Variants in ZNF558 observed in about 807,000 individuals in gnomAD.
ZNF558 encodes the protein zinc finger protein 558.
A neutral mutation model predicts 37.6 loss-of-function variants in ZNF558; 23 were observed. That is an observed-to-expected ratio of 0.61 (90% CI 0.44 to 0.87). The LOEUF (loss-of-function observed/expected upper bound fraction) is 0.87, where lower values mean the gene tolerates loss of function less well. Among genes scored for constraint, ZNF558 ranks in the 40% least tolerant of loss-of-function variants. The pLI is 0.00. For missense variants in ZNF558, 429 were observed against 483.7 expected (o/e 0.89, Z 1.06); for synonymous variants, 189 against 174.4 (o/e 1.08, Z -0.66).
At chr19:8,829,798 C>T (rs1262269007) in intron 2 of ZNF558, among the ~76,000 whole-genome samples, 1 of 152,148 alleles carries the variant, frequency 6.6e-6, no homozygotes, top group Non-Finnish European at 1.5e-5. Flanking sequence ...GTAAACATTC[C>T]TTCAAGAATG....
Position 8,811,662 on chromosome 19 carries a change from C to T in ZNF558, c.828G>A (p.Arg276=). 1 of 1,614,100 alleles carries T rather than the reference C, an allele frequency of 6.2e-7. No homozygotes were observed. The highest frequency in any genetic ancestry group is 8.5e-7 in the Non-Finnish European group (1 of 1,180,022). ...CNQCGKAFST[R]SSLTGHNSIH... is the part of the protein sequence containing the mutation. ...TGCTATTGTGCCCAGTGAGAGAGGACCTTGTGCTGAAAGCTTTTCCACACT... is the reference window on the plus strand; with the variant it reads ...TGCTATTGTGCCCAGTGAGAGAGGATCTTGTGCTGAAAGCTTTTCCACACT... Residue 276 remains arginine, a synonymous_variant, in exon 10 of 10, where the codon AGG becomes AGA. Coordinates refer to ENST00000601372, the MANE Select transcript of ZNF558 (RefSeq NM_144693.3).
At chr19:8,836,378 A>C (rs190003914), upstream of ZNF558, among the ~76,000 whole-genome samples, 407 of 130,884 alleles carry the variant, frequency 3.1e-3, no homozygotes, top group Non-Finnish European at 4.6e-3. Flanking sequence ...CTTCTTCCTT[A>C]CTCCTCCCCT....
upstream of ZNF558, chr19:8,833,680 T>A (rs1266383881): frequency 6.6e-6 from 1 of 152,112 alleles, no homozygotes; most frequent in Admixed American, 6.6e-5. Flanking sequence ...ACATGGTGGG[T>A]TGGTGCGTTA....
chr19:8,836,078 T>C (rs1307401913), upstream of ZNF558, among the ~76,000 whole-genome samples: 1 of 152,184 alleles, frequency 6.6e-6, no homozygotes, highest in Admixed American at 6.5e-5. Context: ...GTGGTGACGA[T>C]TGCGCAACTG....
chr19:8,835,638 T>C (rs2044447435), upstream of ZNF558, among the ~76,000 whole-genome samples: 1 of 152,160 alleles, frequency 6.6e-6, no homozygotes, highest in Non-Finnish European at 1.5e-5. Context: ...CAAAAAGTCA[T>C]AGAGTTGCCA....
At position 8,811,494 on chromosome 19, in the gene ZNF558, G is replaced by A. The variant is rs781963556; in HGVS notation, c.996C>T (p.Ser332=). 4.3e-6 allele frequency: 7 copies of A among 1,614,104 alleles called. No individual in the cohort carries two copies. The Admixed American group carries it at 1.2e-4, about 27-fold the overall frequency. The change falls in exon 10 of 10, where the codon AGC becomes AGT. Residue 332 remains serine (S), a synonymous_variant. Transcript: ENST00000601372. The part of the protein sequence containing the change: ...CNECGKSFSS[S]FSLTVHKRIH... Reference sequence around the variant, plus strand: ...TTCTCTTGTGCACAGTAAGAGAAAAGCTACTGCTGAAGGATTTCCCACACT... The same window carrying A: ...TTCTCTTGTGCACAGTAAGAGAAAAACTACTGCTGAAGGATTTCCCACACT...
intron 8 of ZNF558, 96 bp from the exon 9 acceptor site, chr19:8,812,739 G>C (rs1343446302): frequency 1.5e-6 from 1 of 687,004 alleles, no homozygotes; most frequent in Admixed American, 3.5e-5. Context: ...CAGGGTTTTT[G>C]AGGATGTTTG....
In ZNF558 at chr19:8,813,197, C is replaced by A. The variant is rs1555769024; in HGVS notation, c.273G>T (p.Leu91=). The part of the protein sequence containing the change: ...SLGCRVNKPS[L]ISQLEQDKKV... ...TCTTGTCTTGTTCCAACTGGGATAT[C>A]AGACTGGGTTTATTAACACGACACC... The change falls in exon 8 of 10, where the codon CTG becomes CTT. Residue 91 remains leucine (L), a synonymous_variant. Coordinates refer to ENST00000601372, the MANE Select transcript of ZNF558 (RefSeq NM_144693.3). 8.8e-6 allele frequency: 14 copies of A among 1,597,748 alleles called. No homozygotes were observed. Among genetic ancestry groups the A allele is most frequent in the Non-Finnish European group, 1.2e-5 (14 of 1,171,312 alleles).
In ZNF558 at chr19:8,811,792, T is replaced by C. The variant is rs2043798317; in HGVS notation, c.698A>G (p.Glu233Gly). ...ACACTGGTTACATTCATAGGGTTTTTCTCCAGTGTGAATTCTCAAATGCAG... is the reference window on the plus strand; with the variant it reads ...ACACTGGTTACATTCATAGGGTTTTCCTCCAGTGTGAATTCTCAAATGCAG... Reference protein sequence around the residue: ...LRLHLRIHTGEKPYECNQCFH... With the variant: ...LRLHLRIHTGGKPYECNQCFH... Residue 233 changes from glutamate (E) to glycine (G), a missense_variant, in exon 10 of 10, where the codon GAA becomes GGA. Transcript: ENST00000601372. The C allele has an allele frequency of 6.2e-7, 1 of 1,614,066 alleles. No individual in the cohort carries two copies. The highest frequency in any genetic ancestry group is 1.1e-5 in the South Asian group (1 of 91,088).
At chr19:8,813,067 A>C in intron 8 of ZNF558, 60 bp downstream of exon 8, 99 of 1,354,706 alleles carry the variant, frequency 7.3e-5, no homozygotes, top group Non-Finnish European at 9.5e-5. Flanking sequence ...AATACTCCCA[A>C]CCCCCAAGTC....
At chr19:8,817,589 A>G (rs1200992017) in intron 7 of ZNF558, among the ~76,000 whole-genome samples, 3 of 151,966 alleles carry the variant, frequency 2.0e-5, no homozygotes, top group Non-Finnish European at 4.4e-5. Context: ...TTTAACTTAC[A>G]ATGGCTTTAT....
chr19:8,831,525 G>T lies in ZNF558; in HGVS notation c.-592-124C>A, dbSNP rs1445308407. On this transcript the variant is annotated intron_variant, in intron 1 of 9. Coordinates refer to ENST00000601372, the MANE Select transcript of ZNF558 (RefSeq NM_144693.3). ...TTTTGGGTACTCAATGATTAAATGT[G>T]TAATAAGGGCCCAGCCTGTGGGCCA... 3.3e-5 allele frequency: 5 copies of T among 152,186 alleles called. No homozygotes were observed. The East Asian group carries it at 9.6e-4, about 29-fold the overall frequency. The allele number at this position is 152,186 out of a possible 1,614,324, so 9.4% of individuals were successfully genotyped here. A position where few individuals can be genotyped will look rare whatever the true frequency, so the allele number is the denominator to read the frequency against.
At chr19:8,830,252 C>G (rs1039256733) in intron 2 of ZNF558, among the ~76,000 whole-genome samples, 1 of 152,126 alleles carries the variant, frequency 6.6e-6, no homozygotes, top group African/African-American at 2.4e-5. Context: ...AGAACTGAGT[C>G]AATTAAACTT....
Sources: allele counts gnomAD v4.1 joint callset (sites outside exome capture counted in the v4.1 genomes callset), GRCh38; gene constraint gnomAD v4.1.1; transcripts MANE v1.5; gene names NCBI Gene and HGNC (gene_info 2026-07-23, HGNC 2026-07-21).